Variants in MYRF observed in about 807,000 individuals in gnomAD.
MYRF encodes myelin gene regulatory factor.
Under a neutral mutation model 126.3 loss-of-function variants are expected in MYRF, and 16 were observed. The observed-to-expected ratio is 0.13, with a 90% CI of 0.09 to 0.19. The LOEUF is 0.19. Ranked by LOEUF, MYRF falls within the 10% of genes least tolerant of loss-of-function variation. The probability of loss-of-function intolerance (pLI) is 1.00; values close to 1 mark genes in which losing one functional copy is unlikely to be tolerated. For synonymous variants in MYRF, 608 were observed against 635.3 expected (o/e 0.96, Z 0.65); for missense variants, 1,104 against 1,547.0 (o/e 0.71, Z 4.80).
intron 1 of MYRF, among the ~76,000 whole-genome samples, chr11:61,761,263 G>A (rs974857018): frequency 6.6e-6 from 1 of 151,664 alleles, no homozygotes; most frequent in Non-Finnish European, 1.5e-5. Flanking sequence ...AGCTGGTGGG[G>A]GGGGGGGCAC....
intron 7 of MYRF, among the ~76,000 whole-genome samples, chr11:61,772,979 G>C (rs1042559983): frequency 6.6e-6 from 1 of 151,580 alleles, no homozygotes; most frequent in African/African-American, 2.4e-5. Flanking sequence ...GTGAGGGTGC[G>C]CTAAGCCACA....
intron 3 of MYRF, chr11:61,767,228 G>A (rs1044978706): frequency 1.3e-5 from 6 of 456,680 alleles, no homozygotes; most frequent in Admixed American, 7.0e-5. Flanking sequence ...GCTTGAGGCT[G>A]TGAGGCTGTT....
intron 1 of MYRF, among the ~76,000 whole-genome samples, chr11:61,762,692 G>A (rs558070052): frequency 1.2e-4 from 18 of 152,300 alleles, no homozygotes; most frequent in East Asian, 7.7e-4. Flanking sequence ...GTTCACGGGC[G>A]GGCTGGGGGC....
intron 3 of MYRF, chr11:61,767,246 T>C (rs1459577054): frequency 2.2e-6 from 1 of 456,726 alleles, no homozygotes; most frequent in Non-Finnish European, 4.4e-6. Context: ...GTTCCTAAAC[T>C]ACAGGCCCCT....
rs535511823 is a variant in MYRF at position 61,764,266 on chromosome 11, G to T, written c.47-1359G>T. On this transcript the variant is annotated intron_variant, in intron 1 of 26. Transcript: ENST00000278836. ...TGAGGCCAGGGAGGGGCCTGGGCGG[G>T]GGGCTCCCGGGGACCCCAGGGCTCT... Among the ~76,000 whole-genome samples the T allele has an allele frequency of 1.6e-4, 24 of 152,310 alleles. No homozygotes were observed. The South Asian group carries it at 4.3e-3, about 28-fold the overall frequency.
rs1472850904 is a variant in MYRF at position 61,779,322 on chromosome 11, C to T, written c.2073C>T (p.Asn691=). Residue 691 remains asparagine, a synonymous_variant, in exon 15 of 27, where the codon AAC becomes AAT. Transcript: ENST00000278836. ...AVKELCKLTD[N]LETRIDELER... ...AGGAGCTGTGCAAGCTGACAGACAA[C>T]CTGGAGACGCGCATTGATGAGCTGG... 12 of 1,550,688 alleles carry T rather than the reference C, an allele frequency of 7.7e-6. No homozygotes were observed. Among genetic ancestry groups the T allele is most frequent in the Non-Finnish European group, 9.6e-6 (11 of 1,146,916 alleles).
intron 1 of MYRF, among the ~76,000 whole-genome samples, chr11:61,765,036 G>A (rs962383770): frequency 1.3e-5 from 2 of 152,224 alleles, no homozygotes; most frequent in Non-Finnish European, 2.9e-5. Context: ...TGCGGCCAGG[G>A]CCTGGGTGCA....
rs1461300552 is a variant in MYRF at position 61,778,830 on chromosome 11, TGAGG to T, written c.2013+342_2013+345del. The stretch of plus-strand genomic sequence containing the variant: ...CCAGGCTGAAATACGTGGTTTATTG[TGAGG>T]ACGACGTTTGTCACTTACCTGTCCT... On this transcript the variant is annotated intron_variant, in intron 14 of 26. Coordinates refer to ENST00000278836, the MANE Select transcript of MYRF (RefSeq NM_001127392.3). This position sits in a 1 kb window ranked among gnomAD's most constrained non-coding sequence, Gnocchi z 4.6. The T allele has an allele frequency of 1.0e-4, 57 of 550,186 alleles. No individual in the cohort carries two copies. In the East Asian group the frequency reaches 2.5e-3, roughly 24 times the overall value. 34.1% of individuals were successfully genotyped at this position (550,186 alleles called of 1,614,324 possible). A position where few individuals can be genotyped will look rare whatever the true frequency, so the allele number is the denominator to read the frequency against.
intron 18 of MYRF, 28 bp downstream of exon 18, chr11:61,780,318 G>T: frequency 6.3e-7 from 1 of 1,599,582 alleles, no homozygotes; most frequent in East Asian, 2.2e-5. Context: ...AAGCCAAGCT[G>T]CCAGGCCAGG....
chr11:61,776,314 C>T lies in MYRF; in HGVS notation c.1389-8C>T. Reference sequence around the variant, plus strand: ...CTGCCCCCTGAGCACCCTGCCTCTCCTCTGCAGGGTCAATCTGCCCCCTGA... The same window carrying T: ...CTGCCCCCTGAGCACCCTGCCTCTCTTCTGCAGGGTCAATCTGCCCCCTGA... On this transcript the variant is annotated splice_polypyrimidine_tract_variant and splice_region_variant and intron_variant, in intron 9 of 26. Transcript: ENST00000278836. This position sits in a 1 kb window ranked among gnomAD's most constrained non-coding sequence, Gnocchi z 4.3. The T allele has an allele frequency of 6.2e-7, 1 of 1,608,332 alleles. No homozygotes were observed. Among genetic ancestry groups the T allele is most frequent in the South Asian group, 1.1e-5 (1 of 90,510 alleles).
At position 61,779,510 on chromosome 11, in the gene MYRF, C is replaced by G. The variant is rs1389870122; in HGVS notation, c.2187C>G (p.Ser729Arg). 6.6e-7 allele frequency: 1 copy of G among 1,520,766 alleles called. No homozygotes were observed. The highest frequency in any genetic ancestry group is 1.3e-5 in the South Asian group (1 of 76,678). 94.2% of individuals were successfully genotyped at this position (1,520,766 alleles called of 1,614,324 possible). A position where few individuals can be genotyped will look rare whatever the true frequency, so the allele number is the denominator to read the frequency against. The change falls in exon 16 of 27, where the codon AGC (serine) becomes AGG (arginine). Residue 729 changes from serine (S) to arginine (R), a missense_variant. Ser to Arg is a moderately radical substitution (Grantham distance 110). This residue lies in a region of MYRF where 323 missense variants were observed against 383.1 expected (regional missense o/e 0.84). Coordinates refer to ENST00000278836, the MANE Select transcript of MYRF (RefSeq NM_001127392.3). ...CCTCTTGCTGCAGCCATGCAGGGAG[C>G]CAGTTCAGTCGGGCGGGCAGCGTCC... ...GSSGAFSHAG[S>R]QFSRAGSVPH...
At chr11:61,774,362 T>C (rs2066313219) in intron 8 of MYRF, among the ~76,000 whole-genome samples, 200 bp downstream of exon 8, 1 of 151,738 alleles carries the variant, frequency 6.6e-6, no homozygotes, top group Non-Finnish European at 1.5e-5. Context: ...ATACTAAAAA[T>C]ACAAAAATTA....
chr11:61,765,486 A>T, intron 1 of MYRF, 139 bp from the exon 2 acceptor site: 1 of 639,704 alleles, frequency 1.6e-6, no homozygotes, highest in Non-Finnish European at 2.7e-6. Context: ...GCCGGCCCCC[A>T]CATGGATACC....
chr11:61,774,448 G>A (rs1330224138), intron 8 of MYRF, among the ~76,000 whole-genome samples: 1 of 151,718 alleles, frequency 6.6e-6, no homozygotes, highest in African/African-American at 2.4e-5. Flanking sequence ...CTTTGAACCC[G>A]GGAGGCGGAG....
Position 61,776,735 on chromosome 11 carries a change from C to T in MYRF, c.1500-52C>T. Reference sequence around the variant, plus strand: ...TGCATCTGGCCAGGGAAAGGGTGGCCCTGGGGGCGGGGGCAGGCCATGAGT... The same window carrying T: ...TGCATCTGGCCAGGGAAAGGGTGGCTCTGGGGGCGGGGGCAGGCCATGAGT... On this transcript the variant is annotated intron_variant, in intron 10 of 26. Coordinates refer to ENST00000278836, the MANE Select transcript of MYRF (RefSeq NM_001127392.3). The surrounding 1 kb of genome is among the most constrained non-coding windows in gnomAD (Gnocchi z 4.3). 2 of 1,429,588 alleles carry T rather than the reference C, an allele frequency of 1.4e-6. No homozygotes were observed. The highest frequency in any genetic ancestry group is 1.9e-6 in the Non-Finnish European group (2 of 1,046,944). 88.6% of individuals were successfully genotyped at this position (1,429,588 alleles called of 1,614,324 possible).
chr11:61,755,429 C>T (rs768873948), intron 1 of MYRF: 9 of 1,610,188 alleles, frequency 5.6e-6, no homozygotes, highest in Admixed American at 3.4e-5. Context: ...GCAGGATGCA[C>T]TGGCTTCCAG....
chr11:61,767,119 G>A lies in MYRF; in HGVS notation c.398+898G>A, dbSNP rs781540908. On this transcript the variant is annotated intron_variant, in intron 3 of 26. Transcript: ENST00000278836. ...GCATGGTGGCCATGGACACATGGCC[G>A]GCCGTGCTTCCTGAGCTCCCTGGCT... The A allele has an allele frequency of 2.6e-5, 12 of 456,164 alleles. No homozygotes were observed. The East Asian group carries it at 6.3e-4, about 24-fold the overall frequency. The allele number at this position is 456,164 out of a possible 1,614,324, so 28.3% of individuals were successfully genotyped here. A position where few individuals can be genotyped will look rare whatever the true frequency, so the allele number is the denominator to read the frequency against.
Position 61,783,345 on chromosome 11 carries a change from G to C in MYRF, c.3017-153G>C. ...GTCCTAGGGCTGCTGAGGAAAGGGT[G>C]TAGTGTGATGCTGGCCATTGTGGAG... On this transcript the variant is annotated intron_variant, in intron 22 of 26. Coordinates refer to ENST00000278836, the MANE Select transcript of MYRF (RefSeq NM_001127392.3). This position sits in a 1 kb window ranked among gnomAD's most constrained non-coding sequence, Gnocchi z 4.6. 1 of 665,200 alleles carries C rather than the reference G, an allele frequency of 1.5e-6. No individual in the cohort carries two copies. The highest frequency in any genetic ancestry group is 2.7e-6 in the Non-Finnish European group (1 of 366,556). The allele number at this position is 665,200 out of a possible 1,614,324, so 41.2% of individuals were successfully genotyped here.
At chr11:61,784,066 C>T in intron 24 of MYRF, 141 bp downstream of exon 24, 1 of 1,121,126 alleles carries the variant, frequency 8.9e-7, no homozygotes, top group African/African-American at 1.5e-5. Context: ...GACTTCATTG[C>T]CTACTTCGTG....
Sources: allele counts gnomAD v4.1 joint callset (sites outside exome capture counted in the v4.1 genomes callset), GRCh38; gene constraint gnomAD v4.1.1; regional missense constraint gnomAD v4.1.1; non-coding constraint Gnocchi (gnomAD v3.1); transcripts MANE v1.5; gene names NCBI Gene and HGNC (gene_info 2026-07-23, HGNC 2026-07-21).